The following HMGCLL1 variants were observed in gnomAD, a reference collection of about 807,000 sequenced individuals.
The protein encoded by HMGCLL1 is 3-hydroxymethyl-3-methylglutaryl-CoA lyase, cytoplasmic.
Under a neutral mutation model 39.1 loss-of-function variants are expected in HMGCLL1, and 36 were observed. That is an observed-to-expected ratio of 0.92 (90% confidence interval 0.71 to 1.22). The LOEUF (loss-of-function observed/expected upper bound fraction) is 1.22, where lower values mean the gene tolerates loss of function less well. Among genes scored for constraint, HMGCLL1 ranks in the 50% most tolerant of loss-of-function variants. HMGCLL1 has a pLI of 0.00. For synonymous variants in HMGCLL1, 149 were observed against 144.0 expected (o/e 1.03, Z -0.25); for missense variants, 451 against 416.5 (o/e 1.08, Z -0.72).
intron 7 of HMGCLL1, among the ~76,000 whole-genome samples, chr6:55,439,965 T>C (rs1388120959): frequency 6.6e-6 from 1 of 152,110 alleles, no homozygotes; most frequent in Non-Finnish European, 1.5e-5. Flanking sequence ...TACTTCAACA[T>C]CAAAATGCCT....
rs1183222176 is a variant in HMGCLL1 at position 55,477,368 on chromosome 6, A to AT, written c.795+18050_795+18051insA. On this transcript the variant is annotated intron_variant, in intron 7 of 8. Coordinates refer to ENST00000274901, the MANE Select transcript of HMGCLL1 (RefSeq NM_001042406.2). ...ATATTTAGATAATATATATTATATT[A>AT]ATATAATATATATTATCTAAATATA... 5.8e-4 allele frequency among the ~76,000 whole-genome samples: 14 copies of AT among 23,960 alleles called. 1 individual carries two copies. Among genetic ancestry groups the AT allele is most frequent in the Non-Finnish European group, 9.6e-4 (13 of 13,546 alleles). The allele number at this position is 23,960 out of a possible 152,430, so 15.7% of individuals were successfully genotyped here.
At chr6:55,471,933 T>C (rs73447040) in intron 7 of HMGCLL1, among the ~76,000 whole-genome samples, 12,151 of 151,780 alleles carry the variant, frequency 0.08, 1,575 homozygotes, top group African/African-American at 0.28. Flanking sequence ...CAATATACTT[T>C]ATCATGTCTG....
At chr6:55,560,504 T>C (rs1208868942) in intron 1 of HMGCLL1, among the ~76,000 whole-genome samples, 1 of 152,214 alleles carries the variant, frequency 6.6e-6, no homozygotes, top group Non-Finnish European at 1.5e-5. Flanking sequence ...CTGTAGTTCA[T>C]TCTGTTAAGT....
At chr6:55,502,184 C>T (rs1373072903) in intron 5 of HMGCLL1, among the ~76,000 whole-genome samples, 1 of 151,732 alleles carries the variant, frequency 6.6e-6, no homozygotes, top group Non-Finnish European at 1.5e-5. Context: ...TCTATGTTGA[C>T]AGTTATCTTG....
chr6:55,526,966 C>G (rs1364953956), intron 3 of HMGCLL1, among the ~76,000 whole-genome samples: 1 of 151,980 alleles, frequency 6.6e-6, no homozygotes, highest in Non-Finnish European at 1.5e-5. Flanking sequence ...ATCAACAGAA[C>G]TAGATAGTGA....
At chr6:55,642,112 T>A in the HMGCLL1 span, among the ~76,000 whole-genome samples, 1 of 119,450 alleles carries the variant, frequency 8.4e-6, no homozygotes, top group Admixed American at 1.0e-4. Flanking sequence ...CCTGTGTCCA[T>A]GTGATCTCAT....
chr6:55,615,077 A>G, the HMGCLL1 span, among the ~76,000 whole-genome samples: 1 of 152,118 alleles, frequency 6.6e-6, no homozygotes, highest in African/African-American at 2.4e-5. Flanking sequence ...CATTTACCAA[A>G]TACACATTTT....
chr6:55,633,564 T>C, the HMGCLL1 span, among the ~76,000 whole-genome samples: 1 of 151,982 alleles, frequency 6.6e-6, no homozygotes, highest in Admixed American at 6.6e-5. Context: ...ATAACCATTT[T>C]ATGCAAAAGC....
upstream of HMGCLL1, among the ~76,000 whole-genome samples, chr6:55,583,693 T>C (rs9382510): frequency 0.25 from 38,000 of 152,002 alleles, 5,005 homozygotes; most frequent in East Asian, 0.48. Context: ...TGATTTATAG[T>C]CCTTTGGGAA....
the HMGCLL1 span, among the ~76,000 whole-genome samples, chr6:55,591,037 C>T: frequency 1.3e-5 from 2 of 151,996 alleles, no homozygotes; most frequent in Admixed American, 1.3e-4. Flanking sequence ...CTTTCTTTTT[C>T]ATCTCATGAT....
At chr6:55,536,232 C>A (rs552294627) in intron 3 of HMGCLL1, among the ~76,000 whole-genome samples, 1 of 152,170 alleles carries the variant, frequency 6.6e-6, no homozygotes, top group Admixed American at 6.5e-5. Context: ...TTAAAAAAAT[C>A]TATTTTTATT....
intron 1 of HMGCLL1, 56 bp downstream of exon 1, chr6:55,578,892 G>A (rs188578715): frequency 8.5e-6 from 11 of 1,299,396 alleles, no homozygotes; most frequent in Non-Finnish European, 1.2e-5. Context: ...CAGGGAGAGA[G>A]GCTGGCTGTC....
At chr6:55,651,477 T>C in the HMGCLL1 span, among the ~76,000 whole-genome samples, 1 of 152,100 alleles carries the variant, frequency 6.6e-6, no homozygotes, top group Non-Finnish European at 1.5e-5. Context: ...AAGTCCTCTT[T>C]ATTCTTCATT....
chr6:55,506,366 T>A (rs1439836369), intron 5 of HMGCLL1, among the ~76,000 whole-genome samples: 1 of 148,320 alleles, frequency 6.7e-6, no homozygotes, highest in Non-Finnish European at 1.5e-5. Context: ...TGGAGTAATT[T>A]TTAATTAAAA....
chr6:55,520,438 A>G (rs899724180), intron 3 of HMGCLL1, among the ~76,000 whole-genome samples: 6 of 151,950 alleles, frequency 3.9e-5, no homozygotes, highest in African/African-American at 1.4e-4. Flanking sequence ...AGTGCTCACA[A>G]TATAATGAGG....
At chr6:55,648,665 G>T in the HMGCLL1 span, among the ~76,000 whole-genome samples, 1 of 57,828 alleles carries the variant, frequency 1.7e-5, no homozygotes, top group East Asian at 3.8e-4. Context: ...GACTAAACCA[G>T]GAAGAAGTTG....
intron 5 of HMGCLL1, 114 bp from the exon 6 acceptor site, chr6:55,499,413 CT>C: frequency 1.4e-6 from 1 of 703,112 alleles, no homozygotes; most frequent in Non-Finnish European, 2.2e-6. Context: ...TGCACTATTA[CT>C]TTATTATTAT....
the HMGCLL1 span, among the ~76,000 whole-genome samples, chr6:55,673,293 A>G: frequency 2.0e-5 from 3 of 151,964 alleles, no homozygotes; most frequent in Admixed American, 2.0e-4. Context: ...AAGCAAAGTA[A>G]GCACAGTGTA....
chr6:55,514,954 C>A (rs9475333), intron 4 of HMGCLL1, among the ~76,000 whole-genome samples: 103,776 of 151,942 alleles, frequency 0.68, 35,491 homozygotes, highest in Admixed American at 0.73. Flanking sequence ...GCTAATCCCC[C>A]ATTAACACAT....
Sources: gnomAD v4.1 joint callset for allele counts (sites outside exome capture counted in the v4.1 genomes callset) on GRCh38, gnomAD v4.1.1 for gene constraint, MANE v1.5 for transcripts, NCBI Gene and HGNC (gene_info 2026-07-23, HGNC 2026-07-21) for gene names.